The following CTDSPL variants were observed in gnomAD, a reference collection of about 807,000 sequenced individuals.
CTDSPL encodes CTD small phosphatase-like protein.
A neutral mutation model predicts 30.5 loss-of-function variants in CTDSPL; 8 were observed. That is an observed-to-expected ratio of 0.26 (90% CI 0.15 to 0.47). CTDSPL has a LOEUF of 0.47. CTDSPL is among the 20% of genes least tolerant of loss of function. The pLI is 0.99. For missense variants in CTDSPL, 248 were observed against 366.1 expected (o/e 0.68, Z 2.63); for synonymous variants, 110 against 137.9 (o/e 0.80, Z 1.42).
chr3:37,910,206 G>A (rs1365956723), intron 1 of CTDSPL, among the ~76,000 whole-genome samples: 3 of 152,138 alleles, frequency 2.0e-5, no homozygotes, highest in Non-Finnish European at 4.4e-5. Context: ...TTGGCCTGGC[G>A]CAGTGGCTTA....
At chr3:37,905,895 G>T (rs900880462) in intron 1 of CTDSPL, among the ~76,000 whole-genome samples, 1 of 152,220 alleles carries the variant, frequency 6.6e-6, no homozygotes, top group Non-Finnish European at 1.5e-5. Context: ...GCTTATAGGA[G>T]AAGATACTCT....
intron 1 of CTDSPL, 129 bp from the exon 2 acceptor site, chr3:37,946,928 C>A: frequency 1.1e-6 from 1 of 941,036 alleles, no homozygotes; most frequent in Non-Finnish European, 1.5e-6. Flanking sequence ...TCATCTTCTC[C>A]TGCTGAGCAG....
At chr3:37,866,339 C>T (rs1042110104) in intron 1 of CTDSPL, among the ~76,000 whole-genome samples, 1 of 151,930 alleles carries the variant, frequency 6.6e-6, no homozygotes, top group African/African-American at 2.4e-5. Flanking sequence ...ATCACACATA[C>T]ACACAACTGT....
intron 1 of CTDSPL, among the ~76,000 whole-genome samples, chr3:37,894,252 T>C (rs534411852): frequency 6.6e-6 from 1 of 151,686 alleles, no homozygotes; most frequent in South Asian, 2.1e-4. Context: ...CAGCTAACTT[T>C]AAAAAAAGTT....
intron 3 of CTDSPL, among the ~76,000 whole-genome samples, chr3:37,957,781 A>G (rs1699190734): frequency 6.6e-6 from 1 of 152,148 alleles, no homozygotes; most frequent in Non-Finnish European, 1.5e-5. Flanking sequence ...ACCGTCCTGC[A>G]CCAGCCACCC....
chr3:37,892,197 A>G (rs940976657), intron 1 of CTDSPL, among the ~76,000 whole-genome samples: 5 of 152,188 alleles, frequency 3.3e-5, no homozygotes, highest in African/African-American at 1.2e-4. Context: ...GAGTTAGTTC[A>G]GGTTCTAGAT....
intron 3 of CTDSPL, among the ~76,000 whole-genome samples, chr3:37,957,584 A>C (rs896310862): frequency 6.6e-6 from 1 of 152,030 alleles, no homozygotes; most frequent in African/African-American, 2.4e-5. Context: ...AGGTGACCAG[A>C]CTGTTTCTAA....
At chr3:37,956,669 G>A (rs1387902128) in intron 2 of CTDSPL, among the ~76,000 whole-genome samples, 2 of 152,074 alleles carry the variant, frequency 1.3e-5, no homozygotes, top group African/African-American at 4.8e-5. Flanking sequence ...AATGACCAGG[G>A]GGTCATTGTA....
rs143609050 is a variant in CTDSPL, at chr3:37,910,793, G to A, written c.80-36264G>A. On this transcript the variant is annotated intron_variant, in intron 1 of 7. Transcript: ENST00000273179. ...TCTTTGTCCCAGGGAAACACATAGA[G>A]TCTGAATTACTCCATTCTACAGGGT... Among the ~76,000 whole-genome samples, 7 of 152,312 alleles carry A rather than the reference G, an allele frequency of 4.6e-5. No homozygotes were observed. In the East Asian group the frequency reaches 1.2e-3, roughly 25 times the overall value.
At chr3:37,939,803 G>A (rs1698956988) in intron 1 of CTDSPL, among the ~76,000 whole-genome samples, 1 of 150,306 alleles carries the variant, frequency 6.7e-6, no homozygotes, top group African/African-American at 2.4e-5. Flanking sequence ...TTTCAAGAAG[G>A]CATTTCTGGG....
intron 3 of CTDSPL, among the ~76,000 whole-genome samples, chr3:37,961,793 A>G (rs1340894181): frequency 6.6e-6 from 1 of 152,192 alleles, no homozygotes; most frequent in Non-Finnish European, 1.5e-5. Flanking sequence ...TAAGTAAGGA[A>G]ACAATAATCC....
chr3:37,967,205 T>A (rs1699307925), intron 4 of CTDSPL, among the ~76,000 whole-genome samples: 3 of 152,152 alleles, frequency 2.0e-5, no homozygotes, highest in African/African-American at 7.2e-5. Context: ...TTCTCAGTAC[T>A]GGACTGGGGC....
intron 5 of CTDSPL, chr3:37,968,215 G>T: frequency 2.2e-6 from 1 of 461,818 alleles, no homozygotes; most frequent in Non-Finnish European, 4.3e-6. Context: ...TACTCTCCTA[G>T]CAGGCAACAG....
Position 37,950,188 on chromosome 3 carries a change from C to G in CTDSPL, c.234+2977C>G, listed in dbSNP as rs555595002. Among the ~76,000 whole-genome samples, 3 of 152,228 alleles carry G rather than the reference C, an allele frequency of 2.0e-5. No homozygotes were observed. The South Asian group carries it at 6.2e-4, about 32-fold the overall frequency. On this transcript the variant is annotated intron_variant, in intron 2 of 7. Transcript: ENST00000273179. ...TTTGTTAACTTGGGCTCTGCTGGGCCATGAAAACAGCACTCCTTGCTGGGC... is the reference window on the plus strand; with the variant it reads ...TTTGTTAACTTGGGCTCTGCTGGGCGATGAAAACAGCACTCCTTGCTGGGC...
At position 37,984,279 on chromosome 3, in the gene CTDSPL, C is replaced by A. The variant is rs910395248; in HGVS notation, c.*3412C>A. On this transcript the variant is annotated 3_prime_UTR_variant, in exon 8 of 8. Transcript: ENST00000273179. ...CTCTGCAGACTGACACACCCTCCCC[C>A]ACCCCGGGTAGTGGAGATGCTGGTG... is the stretch of plus-strand genomic sequence containing the variant. 7 of 456,864 alleles carry A rather than the reference C, an allele frequency of 1.5e-5. No individual in the cohort carries two copies. The highest frequency in any genetic ancestry group is 3.1e-5 in the South Asian group (2 of 64,574). The allele number at this position is 456,864 out of a possible 1,614,324, so 28.3% of individuals were successfully genotyped here. A position where few individuals can be genotyped will look rare whatever the true frequency, so the allele number is the denominator to read the frequency against.
intron 1 of CTDSPL, among the ~76,000 whole-genome samples, chr3:37,937,941 T>C (rs899465928): frequency 6.6e-6 from 1 of 150,436 alleles, no homozygotes; most frequent in African/African-American, 2.4e-5. Context: ...TCTTCAGGGA[T>C]CCGGCCCCTG....
rs1363310780 is a variant in CTDSPL, at chr3:37,862,300, C to G, written c.79+22C>G. 1 of 1,478,850 alleles carries G rather than the reference C, an allele frequency of 6.8e-7. No individual in the cohort carries two copies. The highest frequency in any genetic ancestry group is 1.3e-5 in the South Asian group (1 of 77,136). 91.6% of individuals were successfully genotyped at this position (1,478,850 alleles called of 1,614,324 possible). A position where few individuals can be genotyped will look rare whatever the true frequency, so the allele number is the denominator to read the frequency against. ...AAAGGTGAGGAGGGGCGCAGGCGGC[C>G]GCGGGCTGGGGGCGAGCGCACACCC... On this transcript the variant is annotated intron_variant, in intron 1 of 7. Transcript: ENST00000273179. This position sits in a 1 kb window ranked among gnomAD's most constrained non-coding sequence, Gnocchi z 4.3.
At chr3:37,978,946 T>TA (rs1559650518) in intron 7 of CTDSPL, among the ~76,000 whole-genome samples, 1 of 152,232 alleles carries the variant, frequency 6.6e-6, no homozygotes, top group Non-Finnish European at 1.5e-5. Flanking sequence ...AATACAACGT[T>TA]ACGTTTTTAT....
chr3:37,950,322 A>G (rs1239519358), intron 2 of CTDSPL, among the ~76,000 whole-genome samples: 1 of 152,246 alleles, frequency 6.6e-6, no homozygotes, highest in Non-Finnish European at 1.5e-5. Flanking sequence ...TGCAGCCTCC[A>G]CTGAGAAAGT....
Sources: allele counts gnomAD v4.1 joint callset (sites outside exome capture counted in the v4.1 genomes callset), GRCh38; gene constraint gnomAD v4.1.1; non-coding constraint Gnocchi (gnomAD v3.1); transcripts MANE v1.5; gene names NCBI Gene and HGNC (gene_info 2026-07-23, HGNC 2026-07-21).